Variants in UBAP1 observed in about 807,000 individuals in gnomAD.
UBAP1 encodes the protein ubiquitin-associated protein 1.
Under a neutral mutation model 39.0 loss-of-function variants are expected in UBAP1, and 5 were observed. The ratio of observed to expected loss-of-function variants is 0.13; its 90% CI spans 0.07 to 0.27. UBAP1 has a LOEUF of 0.27. Among genes scored for constraint, UBAP1 ranks in the 10% least tolerant of loss-of-function variants. UBAP1 has a pLI of 1.00. For missense variants in UBAP1, 490 were observed against 608.1 expected, an observed-to-expected ratio of 0.81 and a Z score of 2.04; for synonymous variants, 211 against 225.1, an observed-to-expected ratio of 0.94 and a Z score of 0.56.
chr9:34,200,314 G>A (rs562326525), intron 1 of UBAP1, among the ~76,000 whole-genome samples: 2 of 152,300 alleles, frequency 1.3e-5, no homozygotes, highest in African/African-American at 4.8e-5. Flanking sequence ...AGCTCTTTCA[G>A]ATTGGCCTTG....
At chr9:34,204,526 A>C (rs1262431429) in intron 1 of UBAP1, among the ~76,000 whole-genome samples, 1 of 152,018 alleles carries the variant, frequency 6.6e-6, no homozygotes, top group Non-Finnish European at 1.5e-5. Context: ...ATTAAGATGA[A>C]GTCTTGTGCT....
At chr9:34,206,691 T>C (rs553409992) in intron 1 of UBAP1, among the ~76,000 whole-genome samples, 2 of 152,300 alleles carry the variant, frequency 1.3e-5, no homozygotes, top group South Asian at 4.1e-4. Flanking sequence ...GCTAGCTGTA[T>C]GTGTAGAGTG....
intron 1 of UBAP1, among the ~76,000 whole-genome samples, chr9:34,188,221 C>G (rs886928040): frequency 1.3e-5 from 2 of 150,448 alleles, no homozygotes; most frequent in African/African-American, 2.4e-5. Context: ...TTTATTTATA[C>G]AAATAGTATA....
chr9:34,197,819 G>A (rs979220112), intron 1 of UBAP1, among the ~76,000 whole-genome samples: 3 of 152,194 alleles, frequency 2.0e-5, no homozygotes, highest in Admixed American at 6.5e-5. Context: ...TGAAGTGCTA[G>A]GATTACAGGC....
chr9:34,224,162 A>G (rs1832915984), intron 2 of UBAP1: 2 of 599,250 alleles, frequency 3.3e-6, no homozygotes, highest in Non-Finnish European at 5.7e-6. Flanking sequence ...TTTTCCTTTC[A>G]TCGATTTCTT....
At chr9:34,203,020 G>A (rs1281167073) in intron 1 of UBAP1, among the ~76,000 whole-genome samples, 1 of 152,014 alleles carries the variant, frequency 6.6e-6, no homozygotes, top group Non-Finnish European at 1.5e-5. Flanking sequence ...TCAGTCTGTA[G>A]GTTCTCTTTT....
intron 1 of UBAP1, among the ~76,000 whole-genome samples, chr9:34,217,856 G>T: frequency 7.7e-6 from 1 of 129,498 alleles, no homozygotes; most frequent in Non-Finnish European, 1.6e-5. Flanking sequence ...GGAGTGCAGT[G>T]GCACCATCTC....
At chr9:34,251,079 A>AT (rs1270138084) in intron 6 of UBAP1, among the ~76,000 whole-genome samples, 1 of 152,188 alleles carries the variant, frequency 6.6e-6, no homozygotes, top group Non-Finnish European at 1.5e-5. Flanking sequence ...AAGAGCAGCC[A>AT]TTTCTGGGTT....
intron 1 of UBAP1, among the ~76,000 whole-genome samples, chr9:34,194,873 A>C (rs892765608): frequency 6.6e-6 from 1 of 152,202 alleles, no homozygotes; most frequent in East Asian, 1.9e-4. Context: ...ACTGCTTTGA[A>C]TAAGTTCTGA....
At chr9:34,201,352 C>T (rs1413526579) in intron 1 of UBAP1, 1 of 152,184 alleles carries the variant, frequency 6.6e-6, no homozygotes, top group African/African-American at 2.4e-5. Context: ...CGAGACCAGT[C>T]TGGCCAACAT....
chr9:34,226,128 TGTG>T (rs1563911286), intron 2 of UBAP1, among the ~76,000 whole-genome samples: 2 of 117,992 alleles, frequency 1.7e-5, no homozygotes, highest in African/African-American at 5.4e-5. Context: ...TGTGTGTGTG[TGTG>T]TGTGTGTGTG....
Position 34,182,671 on chromosome 9 carries a change from CTTTCTTTCTT to C in UBAP1, c.-8+3433_-8+3442del, listed in dbSNP as rs1830139827. ...TCTTTCTTTCTTTCTTTCTTTCTTTCTTTCTTTCTTTCTCTCTCTCTTTCTTTTCTTTTCT... is the reference window on the plus strand; with the variant it reads ...TCTTTCTTTCTTTCTTTCTTTCTTTCTCTCTCTCTCTTTCTTTTCTTTTCT... On this transcript the variant is annotated intron_variant, in intron 1 of 6. Transcript: ENST00000297661. Among the ~76,000 whole-genome samples the C allele has an allele frequency of 3.3e-3, 290 of 87,990 alleles. 6 individuals carry two copies. Among genetic ancestry groups the C allele is most frequent in the African/African-American group, 0.012 (273 of 23,542 alleles). The allele number at this position is 87,990 out of a possible 152,430, so 57.7% of individuals were successfully genotyped here.
At chr9:34,192,350 A>C (rs1269200535) in intron 1 of UBAP1, among the ~76,000 whole-genome samples, 1 of 151,766 alleles carries the variant, frequency 6.6e-6, no homozygotes. Context: ...CCCCGTCTCT[A>C]CTGAAAATAC....
At chr9:34,198,262 C>T (rs942063491) in intron 1 of UBAP1, among the ~76,000 whole-genome samples, 5 of 152,188 alleles carry the variant, frequency 3.3e-5, no homozygotes. Context: ...ATGGGTAGGA[C>T]TATAGGCTGC....
chr9:34,239,679 G>A (rs960411332), intron 3 of UBAP1, among the ~76,000 whole-genome samples: 1 of 152,080 alleles, frequency 6.6e-6, no homozygotes, highest in African/African-American at 2.4e-5. Flanking sequence ...TATAATCTTG[G>A]ACAGATTTTT....
chr9:34,182,681 T>TTCTTTCTCTCTCTCTCTCTC (rs1491429494), intron 1 of UBAP1, among the ~76,000 whole-genome samples: 20 of 115,582 alleles, frequency 1.7e-4, no homozygotes, highest in Middle Eastern at 4.1e-3. Flanking sequence ...CTTTCTTTCT[T>TTCTTTCTCTCTCTCTCTCTC]TCTCTCTCTC....
At chr9:34,199,363 G>A (rs112349391) in intron 1 of UBAP1, among the ~76,000 whole-genome samples, 5,282 of 152,158 alleles carry the variant, frequency 0.035, 219 homozygotes, top group East Asian at 0.15. Flanking sequence ...ATGAGCCACC[G>A]CGCCCAGCCT....
At chr9:34,216,386 A>T (rs10733472) in intron 1 of UBAP1, among the ~76,000 whole-genome samples, 113,666 of 152,054 alleles carry the variant, frequency 0.75, 43,177 homozygotes, top group East Asian at 0.95. Context: ...TCCCAGACCC[A>T]GGCAACCGCC....
chr9:34,199,243 T>C (rs1183341993), intron 1 of UBAP1, among the ~76,000 whole-genome samples: 1 of 151,880 alleles, frequency 6.6e-6, no homozygotes, highest in Non-Finnish European at 1.5e-5. Flanking sequence ...CCAGCTAATA[T>C]TTTGTATTTT....
Sources: allele counts gnomAD v4.1 joint callset (sites outside exome capture counted in the v4.1 genomes callset), GRCh38; gene constraint gnomAD v4.1.1; transcripts MANE v1.5; gene names NCBI Gene and HGNC (gene_info 2026-07-23, HGNC 2026-07-21).